CHN2: variants seen among roughly 807,000 people sequenced by gnomAD.
CHN2 encodes chimerin 2.
In CHN2, 35 loss-of-function variants were observed where a neutral mutation model predicts 56.3. That is an observed-to-expected ratio of 0.62 (90% confidence interval 0.47 to 0.82). CHN2 has a LOEUF of 0.82. Among genes scored for constraint, CHN2 ranks in the 40% least tolerant of loss-of-function variants. CHN2 has a pLI of 0.00. For synonymous variants in CHN2, 210 were observed against 212.8 expected, an observed-to-expected ratio of 0.99 and a Z score of 0.12; for missense variants, 491 against 580.5, an observed-to-expected ratio of 0.85 and a Z score of 1.58.
rs150459942 is a variant in CHN2 at position 29,365,123 on chromosome 7, T to C, written c.89-2809T>C. 4.8e-3 allele frequency among the ~76,000 whole-genome samples: 727 copies of C among 152,348 alleles called. 2 individuals carry two copies. Among genetic ancestry groups the C allele is most frequent in the Middle Eastern group, 0.024 (7 of 294 alleles). ...ATGGTATCCATCGGAAGACGTACCA[T>C]AGTTAATTTAACTATTTCCTTCTAA... On this transcript the variant is annotated intron_variant, in intron 2 of 12. Coordinates refer to ENST00000222792, the MANE Select transcript of CHN2 (RefSeq NM_004067.4).
intron 1 of CHN2, among the ~76,000 whole-genome samples, chr7:29,343,736 G>A (rs1797220385): frequency 6.6e-6 from 1 of 152,004 alleles, no homozygotes; most frequent in Non-Finnish European, 1.5e-5. Flanking sequence ...GTGCTCCTCA[G>A]GGGCTCTGTC....
chr7:29,349,437 CAG>C (rs1377947416), intron 1 of CHN2, among the ~76,000 whole-genome samples: 1 of 152,170 alleles, frequency 6.6e-6, no homozygotes, highest in Admixed American at 6.5e-5. Flanking sequence ...TAGTAAGTGA[CAG>C]AGCTGGGTTT....
intron 1 of CHN2, among the ~76,000 whole-genome samples, chr7:29,248,729 C>T (rs774340398): frequency 1.5e-4 from 23 of 152,316 alleles, no homozygotes; most frequent in Admixed American, 3.3e-4. Context: ...CCCTCAGCAG[C>T]ATCTACTGGG....
intron 6 of CHN2, among the ~76,000 whole-genome samples, chr7:29,415,513 C>T (rs1562589654): frequency 1.3e-5 from 2 of 152,272 alleles, no homozygotes; most frequent in East Asian, 3.9e-4. Context: ...AAAACAAAAA[C>T]AAAACAGGCC....
intron 6 of CHN2, among the ~76,000 whole-genome samples, chr7:29,406,108 G>T (rs567429484): frequency 6.6e-6 from 1 of 152,226 alleles, no homozygotes; most frequent in Non-Finnish European, 1.5e-5. Flanking sequence ...TTCTGCAACA[G>T]CTCTTATTTG....
intron 2 of CHN2, 28 bp from the exon 3 acceptor site, chr7:29,367,902 TTC>T (rs142914048): frequency 0.047 from 53,546 of 1,133,582 alleles, no homozygotes; most frequent in South Asian, 0.079. Flanking sequence ...TTCTAATTAT[TTC>T]TCTCTCTCTC....
intron 4 of CHN2, chr7:29,398,131 C>T (rs1035928859): frequency 6.2e-6 from 2 of 324,344 alleles, no homozygotes; most frequent in African/African-American, 4.3e-5. Context: ...AAAGCAAAGA[C>T]AATAGCAGAA....
intron 1 of CHN2, among the ~76,000 whole-genome samples, chr7:29,320,365 G>C (rs552376050): frequency 6.6e-6 from 1 of 152,064 alleles, no homozygotes; most frequent in Non-Finnish European, 1.5e-5. Context: ...CCTGCAGGGG[G>C]GTGCTAATCA....
intron 6 of CHN2, among the ~76,000 whole-genome samples, chr7:29,458,133 C>A (rs1294220115): frequency 6.6e-6 from 1 of 152,110 alleles, no homozygotes; most frequent in East Asian, 1.9e-4. Context: ...GTTTTTCATT[C>A]CTGCTTAATT....
At chr7:29,162,712 C>T (rs56997419) in intron 2 of CHN2, among the ~76,000 whole-genome samples, 19,290 of 150,900 alleles carry the variant, frequency 0.13, 1,414 homozygotes, top group African/African-American at 0.2. Context: ...AAGCCAGTCT[C>T]GAAGGATTAC....
chr7:29,342,632 G>C (rs964587444), intron 1 of CHN2, among the ~76,000 whole-genome samples: 2 of 152,082 alleles, frequency 1.3e-5, no homozygotes, highest in Non-Finnish European at 2.9e-5. Flanking sequence ...GTGGAGAGCT[G>C]ACTGGGGATA....
intron 1 of CHN2, among the ~76,000 whole-genome samples, chr7:29,234,219 G>A (rs1196341149): frequency 6.6e-6 from 1 of 151,992 alleles, no homozygotes; most frequent in Non-Finnish European, 1.5e-5. Flanking sequence ...AAGCCACCAA[G>A]TATATGGTAA....
At chr7:29,390,231 G>GAC (rs1183224813) in intron 3 of CHN2, among the ~76,000 whole-genome samples, 1 of 152,070 alleles carries the variant, frequency 6.6e-6, no homozygotes, top group Admixed American at 6.6e-5. Context: ...ATCATCTAAG[G>GAC]ACCCAGTATT....
chr7:29,496,856 G>A (rs1789353813), intron 8 of CHN2, among the ~76,000 whole-genome samples: 1 of 152,152 alleles, frequency 6.6e-6, no homozygotes, highest in Non-Finnish European at 1.5e-5. Flanking sequence ...ACTTGTGGCT[G>A]GGAGCAAGAC....
chr7:29,292,057 C>A (rs750640540), intron 1 of CHN2, among the ~76,000 whole-genome samples: 3 of 152,090 alleles, frequency 2.0e-5, no homozygotes, highest in Non-Finnish European at 2.9e-5. Flanking sequence ...ACTACCGGGG[C>A]GGAGGATTTT....
intron 2 of CHN2, among the ~76,000 whole-genome samples, chr7:29,161,034 A>G (rs1312357551): frequency 6.6e-6 from 1 of 151,938 alleles, no homozygotes; most frequent in African/African-American, 2.4e-5. Flanking sequence ...CCTTCTTTTC[A>G]ACTCTATAAA....
In CHN2 at chr7:29,514,104, G is replaced by A. The variant is rs1791802496; in HGVS notation, c.*1369G>A. On this transcript the variant is annotated 3_prime_UTR_variant, in exon 13 of 13. Transcript: ENST00000222792. ...ACTGTTGACCTGGACAGTCCCAAGG[G>A]CTATGCAGATGGACTCCATTGGCAC... 6.6e-6 allele frequency: 1 copy of A among 152,620 alleles called. No homozygotes were observed. Among genetic ancestry groups the A allele is most frequent in the Non-Finnish European group, 1.5e-5 (1 of 68,046 alleles). The allele number at this position is 152,620 out of a possible 1,614,324, so 9.5% of individuals were successfully genotyped here.
At chr7:29,220,056 CAG>C (rs1785650499) in intron 1 of CHN2, among the ~76,000 whole-genome samples, 1 of 151,186 alleles carries the variant, frequency 6.6e-6, no homozygotes, top group African/African-American at 2.4e-5. Flanking sequence ...GCCTGGGTGA[CAG>C]AGCAAGACTC....
intron 1 of CHN2, among the ~76,000 whole-genome samples, chr7:29,204,186 A>T (rs1414353740): frequency 1.3e-5 from 2 of 152,010 alleles, no homozygotes; most frequent in East Asian, 3.9e-4. Context: ...GTTTACATAC[A>T]CATCCACACA....
Sources: gnomAD v4.1 joint callset for allele counts (sites outside exome capture counted in the v4.1 genomes callset) on GRCh38, gnomAD v4.1.1 for gene constraint, MANE v1.5 for transcripts, NCBI Gene and HGNC (gene_info 2026-07-23, HGNC 2026-07-21) for gene names.